DMBX1: variants seen among roughly 807,000 people sequenced by gnomAD.
DMBX1 encodes the protein diencephalon/mesencephalon homeobox protein 1.
In DMBX1, 7 loss-of-function variants were observed where a neutral mutation model predicts 30.4. The ratio of observed to expected loss-of-function variants is 0.23; its 90% CI spans 0.13 to 0.43. The LOEUF (loss-of-function observed/expected upper bound fraction) is 0.43. Ranked by LOEUF, DMBX1 falls within the 20% of genes least tolerant of loss-of-function variation. The probability of loss-of-function intolerance (pLI) is 1.00; values close to 1 mark genes in which losing one functional copy is unlikely to be tolerated. For synonymous variants in DMBX1, 222 were observed against 214.2 expected, an observed-to-expected ratio of 1.04 and a Z score of -0.32; for missense variants, 460 against 508.5, an observed-to-expected ratio of 0.90 and a Z score of 0.92.
At chr1:46,500,542 GC>G (rs1281266973) in intron 2 of DMBX1, among the ~76,000 whole-genome samples, 1 of 118,326 alleles carries the variant, frequency 8.5e-6, no homozygotes, top group African/African-American at 3.2e-5. Flanking sequence ...CCTCCCCCCA[GC>G]CCCTACCCCC....
Position 46,510,823 on chromosome 1 carries a change from C to A in DMBX1, c.334-112C>A. 7.4e-7 allele frequency: 1 copy of A among 1,348,802 alleles called. No individual in the cohort carries two copies. The highest frequency in any genetic ancestry group is 1.0e-6 in the Non-Finnish European group (1 of 1,000,142). 83.6% of individuals were successfully genotyped at this position (1,348,802 alleles called of 1,614,324 possible). A position where few individuals can be genotyped will look rare whatever the true frequency, so the allele number is the denominator to read the frequency against. ...TGGGAAGGGACAGAGGGTGTGCATT[C>A]CCTAGAGGGGTGGGGGGATGTTATC... On this transcript the variant is annotated intron_variant, in intron 4 of 5. Transcript: ENST00000360032. This position sits in a 1 kb window ranked among gnomAD's most constrained non-coding sequence, Gnocchi z 4.1.
chr1:46,498,355 A>T (rs77857867), intron 2 of DMBX1, among the ~76,000 whole-genome samples: 9,192 of 152,236 alleles, frequency 0.06, 710 homozygotes, highest in African/African-American at 0.18. Context: ...TTCATTCAAC[A>T]TTTACTATTT....
chr1:46,500,906 T>C (rs1666112237), intron 2 of DMBX1, among the ~76,000 whole-genome samples: 1 of 152,250 alleles, frequency 6.6e-6, no homozygotes, highest in Non-Finnish European at 1.5e-5. Context: ...GGCAGTGCTG[T>C]GATAAATATT....
Position 46,507,083 on chromosome 1 carries a change from C to T in DMBX1, c.73C>T (p.Gln25Ter). The T allele has an allele frequency of 6.2e-7, 1 of 1,614,244 alleles. No individual in the cohort carries two copies. Among genetic ancestry groups the T allele is most frequent in the Non-Finnish European group, 8.5e-7 (1 of 1,180,048 alleles). ...ACTCAGCGCCATGTACAACCTGCACCAGCAGGCAGCCCAGCAGGCCCAGCA... is the reference window on the plus strand; with the variant it reads ...ACTCAGCGCCATGTACAACCTGCACTAGCAGGCAGCCCAGCAGGCCCAGCA... ...NSLSAMYNLHQQAAQQAQHAP... is the reference protein window; with the variant it reads ...NSLSAMYNLH The change falls in exon 3 of 6, where the codon CAG becomes TAG. Residue 25 changes from glutamine to a stop codon, truncating the protein, a stop_gained. Coordinates refer to ENST00000360032, the MANE Select transcript of DMBX1 (RefSeq NM_172225.2). LOFTEE classifies it high-confidence loss of function.
chr1:46,492,203 G>A (rs768858504), intron 2 of DMBX1, among the ~76,000 whole-genome samples: 23 of 152,250 alleles, frequency 1.5e-4, no homozygotes, highest in Non-Finnish European at 2.5e-4. Context: ...GATGGGCTCT[G>A]CCAGATAGTG....
rs1198487051 is a variant in DMBX1, at chr1:46,513,251, C to G, written c.*757C>G. The G allele has an allele frequency of 1.3e-5, 2 of 152,462 alleles. No homozygotes were observed. The highest frequency in any genetic ancestry group is 3.9e-4 in the East Asian group (2 of 5,176). 9.4% of individuals were successfully genotyped at this position (152,462 alleles called of 1,614,324 possible). On this transcript the variant is annotated 3_prime_UTR_variant, in exon 6 of 6. Transcript: ENST00000360032. ...CTCTCCTTCTATTCCCTTCCTTCTG[C>G]CCTGCCTGCCTCCCTGCACCTGCGG...
At chr1:46,497,144 C>T (rs974803633) in intron 2 of DMBX1, among the ~76,000 whole-genome samples, 5 of 152,224 alleles carry the variant, frequency 3.3e-5, no homozygotes, top group Admixed American at 3.3e-4. Flanking sequence ...ACTCAGAGAC[C>T]TGGATTCCCA....
intron 2 of DMBX1, 148 bp from the exon 3 acceptor site, chr1:46,506,851 G>T: frequency 1.2e-6 from 1 of 835,642 alleles, no homozygotes. Context: ...CACACGGTAA[G>T]CCACGGGCAA....
At position 46,510,347 on chromosome 1, in the gene DMBX1, A is replaced by G. The variant is rs1324467555; in HGVS notation, c.155-129A>G. The G allele has an allele frequency of 4.2e-6, 5 of 1,185,914 alleles. No individual in the cohort carries two copies. The highest frequency in any genetic ancestry group is 5.8e-6 in the Non-Finnish European group (5 of 864,936). The allele number at this position is 1,185,914 out of a possible 1,614,324, so 73.5% of individuals were successfully genotyped here. ...AGGGGATGGCTGATTTCTAAGGGTA[A>G]GGGACCAGGGCCAGCTCTGGCAGCA... On this transcript the variant is annotated intron_variant, in intron 3 of 5. Coordinates refer to ENST00000360032, the MANE Select transcript of DMBX1 (RefSeq NM_172225.2). This position sits in a 1 kb window ranked among gnomAD's most constrained non-coding sequence, Gnocchi z 4.1.
At position 46,512,350 on chromosome 1, in the gene DMBX1, G is replaced by T; in HGVS notation, c.990G>T (p.Trp330Cys). The T allele has an allele frequency of 6.2e-7, 1 of 1,613,972 alleles. No homozygotes were observed. Among genetic ancestry groups the T allele is most frequent in the South Asian group, 1.1e-5 (1 of 91,078 alleles). Residue 330 changes from tryptophan (W) to cysteine (C), a missense_variant, in exon 6 of 6, where the codon TGG (tryptophan) becomes TGT (cysteine). By Grantham distance (215) the Trp-to-Cys change is radical (BLOSUM62 -2). Transcript: ENST00000360032. The surrounding 1 kb of genome is among the most constrained non-coding windows in gnomAD (Gnocchi z 4.8). ...SAAAAAHQGV[W>C]GSPLLPAPPA... ...CCGCTGCTGCCCACCAGGGTGTGTG[G>T]GGGTCTCCTCTGCTGCCTGCACCCC...
At chr1:46,507,208 G>T in intron 3 of DMBX1, 44 bp downstream of exon 3, 1 of 1,605,442 alleles carries the variant, frequency 6.2e-7, no homozygotes, top group Non-Finnish European at 8.5e-7. Context: ...GACTGTGGGG[G>T]TTGGGGGAGA....
chr1:46,506,924 G>A, intron 2 of DMBX1, 75 bp from the exon 3 acceptor site: 1 of 1,545,852 alleles, frequency 6.5e-7, no homozygotes. Flanking sequence ...CCAGGGTCTG[G>A]ACTGGGGGTG....
chr1:46,494,163 CA>C (rs1164929628), intron 2 of DMBX1, among the ~76,000 whole-genome samples: 4 of 152,252 alleles, frequency 2.6e-5, no homozygotes, highest in African/African-American at 9.6e-5. Context: ...ATTCTACTCT[CA>C]AGACTTGCAG....
chr1:46,503,562 G>A (rs1229864927), intron 2 of DMBX1, among the ~76,000 whole-genome samples: 1 of 152,200 alleles, frequency 6.6e-6, no homozygotes, highest in Non-Finnish European at 1.5e-5. Flanking sequence ...GTGGAACTGT[G>A]GGAAATGACA....
intron 2 of DMBX1, among the ~76,000 whole-genome samples, chr1:46,492,458 A>G (rs920050858): frequency 6.6e-6 from 1 of 152,070 alleles, no homozygotes; most frequent in Admixed American, 6.6e-5. Flanking sequence ...TACAGCCTAA[A>G]ATGAGGAGTC....
chr1:46,512,002 C>A lies in DMBX1; in HGVS notation c.683-41C>A. The A allele has an allele frequency of 6.3e-7, 1 of 1,578,152 alleles. No homozygotes were observed. Reference sequence around the variant, plus strand: ...TGCACCTCTCCTGGCAGACCAATGCCCTTGTCCTGAGGGCTTTGTTCTTGG... The same window carrying A: ...TGCACCTCTCCTGGCAGACCAATGCACTTGTCCTGAGGGCTTTGTTCTTGG... On this transcript the variant is annotated intron_variant, in intron 5 of 5. Transcript: ENST00000360032. This position sits in a 1 kb window ranked among gnomAD's most constrained non-coding sequence, Gnocchi z 4.8.
rs1028903789 is a variant in DMBX1, at chr1:46,492,076, C to T, written c.-13+1293C>T. On this transcript the variant is annotated intron_variant, in intron 2 of 5. Coordinates refer to ENST00000360032, the MANE Select transcript of DMBX1 (RefSeq NM_172225.2). ...GGGGGCGCCTACTCCTGCAAGGAGG[C>T]GGGAATCTGTCAGCCCAGACCCCGA... Among the ~76,000 whole-genome samples the T allele has an allele frequency of 7.2e-5, 11 of 152,332 alleles. No individual in the cohort carries two copies. In the East Asian group the frequency reaches 7.7e-4, roughly 11 times the overall value.
At chr1:46,508,714 T>TGCC (rs1057303695) in intron 3 of DMBX1, among the ~76,000 whole-genome samples, 1 of 152,132 alleles carries the variant, frequency 6.6e-6, no homozygotes, top group Non-Finnish European at 1.5e-5. Flanking sequence ...AGGAAGGACA[T>TGCC]GAACTCCAAG....
In DMBX1 at chr1:46,511,101, G is replaced by A; in HGVS notation, c.500G>A (p.Gly167Asp). 6.2e-7 allele frequency: 1 copy of A among 1,614,064 alleles called. No homozygotes were observed. The highest frequency in any genetic ancestry group is 8.5e-7 in the Non-Finnish European group (1 of 1,180,002). ...LDTEQPPRLPGSDPPAELHLS... is the reference protein window; with the variant it reads ...LDTEQPPRLPDSDPPAELHLS... ...ACTGAGCAGCCCCCACGTCTGCCTG[G>A]CAGCGACCCCCCTGCTGAGCTTCAC... The change falls in exon 5 of 6, where the codon GGC becomes GAC. Residue 167 changes from glycine (G) to aspartate (D), a missense_variant. By Grantham distance (94) the Gly-to-Asp change is moderately conservative (BLOSUM62 -1). Coordinates refer to ENST00000360032, the MANE Select transcript of DMBX1 (RefSeq NM_172225.2).
Sources: allele counts gnomAD v4.1 joint callset (sites outside exome capture counted in the v4.1 genomes callset), GRCh38; gene constraint gnomAD v4.1.1; non-coding constraint Gnocchi (gnomAD v3.1); transcripts MANE v1.5; gene names NCBI Gene and HGNC (gene_info 2026-07-23, HGNC 2026-07-21).